PTPRQ: variants seen among roughly 807,000 people sequenced by gnomAD.
The protein encoded by PTPRQ is protein tyrosine phosphatase receptor type Q, also known as phosphatidylinositol phosphatase PTPRQ.
In PTPRQ, 199 loss-of-function variants were observed where a neutral mutation model predicts 246.0. The observed-to-expected ratio is 0.81, with a 90% CI of 0.72 to 0.91. The LOEUF (loss-of-function observed/expected upper bound fraction) is 0.91. Among genes scored for constraint, PTPRQ ranks in the 40% least tolerant of loss-of-function variants. The probability of loss-of-function intolerance (pLI) is 0.00; values close to 1 mark genes in which losing one functional copy is unlikely to be tolerated. For synonymous variants in PTPRQ, 869 were observed against 853.2 expected, an observed-to-expected ratio of 1.02 and a Z score of -0.32; for missense variants, 2,624 against 2,528.4, an observed-to-expected ratio of 1.04 and a Z score of -0.81.
At chr12:80,643,851 A>G (rs939580031) in intron 35 of PTPRQ, among the ~76,000 whole-genome samples, 1 of 152,242 alleles carries the variant, frequency 6.6e-6, no homozygotes, top group Non-Finnish European at 1.5e-5. Flanking sequence ...CCAGAGAAAT[A>G]GATTCTTCAC....
intron 27 of PTPRQ, among the ~76,000 whole-genome samples, chr12:80,609,825 G>A (rs940245767): frequency 2.0e-5 from 3 of 150,508 alleles, no homozygotes; most frequent in Non-Finnish European, 4.5e-5. Context: ...TCTGAAAAAT[G>A]TGTTACAGTC....
Position 80,679,085 on chromosome 12 carries a change from CCT to C in PTPRQ, c.*64_*65del. On this transcript the variant is annotated 3_prime_UTR_variant, in exon 45 of 45. Transcript: ENST00000644991. ...TAAATCCCAGGGGCCAAAGTTACCC[CCT>C]CATTCTTCCGAATTGAAATGTGCAA... 1 of 1,518,810 alleles carries C rather than the reference CCT, an allele frequency of 6.6e-7. No homozygotes were observed. Among genetic ancestry groups the C allele is most frequent in the African/African-American group, 1.4e-5 (1 of 71,734 alleles). 94.1% of individuals were successfully genotyped at this position (1,518,810 alleles called of 1,614,324 possible).
intron 10 of PTPRQ, among the ~76,000 whole-genome samples, chr12:80,494,084 A>G (rs1398308943): frequency 6.6e-6 from 1 of 152,002 alleles, no homozygotes; most frequent in Non-Finnish European, 1.5e-5. Context: ...TACTTGTCCC[A>G]TTCAAAATTA....
intron 26 of PTPRQ, among the ~76,000 whole-genome samples, chr12:80,598,559 C>T (rs1288107229): frequency 4.6e-5 from 7 of 151,878 alleles, no homozygotes; most frequent in Non-Finnish European, 8.8e-5. Flanking sequence ...GCTAATTTGT[C>T]CAGGTGTGCT....
chr12:80,572,823 T>C (rs1204977275), intron 25 of PTPRQ, among the ~76,000 whole-genome samples: 1 of 152,230 alleles, frequency 6.6e-6, no homozygotes, highest in East Asian at 1.9e-4. Context: ...TTTTGAATGT[T>C]AAATTATATT....
chr12:80,619,854 T>C (rs1021136257), intron 31 of PTPRQ, among the ~76,000 whole-genome samples: 2 of 151,622 alleles, frequency 1.3e-5, no homozygotes, highest in African/African-American at 4.8e-5. Flanking sequence ...AAACATGTTT[T>C]GATTTTGGTA....
chr12:80,548,579 A>T (rs1429158270), intron 24 of PTPRQ, among the ~76,000 whole-genome samples: 1 of 152,134 alleles, frequency 6.6e-6, no homozygotes, highest in Non-Finnish European at 1.5e-5. Flanking sequence ...GGATCACCTG[A>T]GTATTCTTTA....
chr12:80,494,819 A>G (rs1592580425), intron 10 of PTPRQ, 114 bp from the exon 11 acceptor site: 2 of 1,065,480 alleles, frequency 1.9e-6, no homozygotes, highest in Non-Finnish European at 2.6e-6. Context: ...GTGCATGGAG[A>G]GATTAATGAA....
chr12:80,520,310 GC>G (rs1438953475), intron 17 of PTPRQ, among the ~76,000 whole-genome samples: 4 of 151,882 alleles, frequency 2.6e-5, no homozygotes, highest in Non-Finnish European at 5.9e-5. Flanking sequence ...AGACCTGATG[GC>G]TTTTTTATTT....
At chr12:80,466,292 C>A (rs1893408851) in intron 6 of PTPRQ, among the ~76,000 whole-genome samples, 1 of 152,152 alleles carries the variant, frequency 6.6e-6, no homozygotes, top group South Asian at 2.1e-4. Flanking sequence ...AGGAATCCAA[C>A]TTACAAGGGA....
chr12:80,538,411 G>A (rs1052989528), intron 19 of PTPRQ, among the ~76,000 whole-genome samples: 16 of 152,216 alleles, frequency 1.1e-4, no homozygotes, highest in African/African-American at 3.6e-4. Context: ...TAGGTAATCA[G>A]AATAAATTCT....
At chr12:80,514,696 A>G (rs58255872) in intron 17 of PTPRQ, among the ~76,000 whole-genome samples, 7,492 of 145,054 alleles carry the variant, frequency 0.052, 483 homozygotes, top group African/African-American at 0.14. Flanking sequence ...TATATGATAT[A>G]TATGCAATAT....
intron 1 of PTPRQ, 118 bp downstream of exon 1, chr12:80,444,517 C>T: frequency 1.4e-6 from 1 of 730,498 alleles, no homozygotes; most frequent in Non-Finnish European, 2.3e-6. Flanking sequence ...CTGACTTAGG[C>T]TGTGATAACG....
intron 17 of PTPRQ, among the ~76,000 whole-genome samples, chr12:80,511,466 A>G (rs1238613788): frequency 6.6e-6 from 1 of 152,164 alleles, no homozygotes; most frequent in Non-Finnish European, 1.5e-5. Flanking sequence ...ATATTGATAG[A>G]ATACCTATAT....
intron 7 of PTPRQ, 120 bp downstream of exon 7, chr12:80,468,958 ACAATAGGAAAGT>A: frequency 5.2e-6 from 7 of 1,354,952 alleles, no homozygotes; most frequent in Non-Finnish European, 6.8e-6. Flanking sequence ...ATTGAAGCAA[ACAATAGGAAAGT>A]CATAAGGAAG....
chr12:80,468,568 CT>C, intron 6 of PTPRQ, 141 bp from the exon 7 acceptor site: 3 of 797,422 alleles, frequency 3.8e-6, no homozygotes, highest in Non-Finnish European at 5.4e-6. Context: ...TCCATTTATT[CT>C]TTTTTAAGAT....
At chr12:80,678,415 A>G (rs1413284895) in intron 43 of PTPRQ, among the ~76,000 whole-genome samples, 187 bp from the exon 44 acceptor site, 1 of 152,158 alleles carries the variant, frequency 6.6e-6, no homozygotes, top group Non-Finnish European at 1.5e-5. Context: ...TCAAGAGACC[A>G]CAGGAATTTA....
At chr12:80,594,047 T>G (rs1469311582) in intron 26 of PTPRQ, among the ~76,000 whole-genome samples, 2 of 152,086 alleles carry the variant, frequency 1.3e-5, no homozygotes. Flanking sequence ...CAACAAAACA[T>G]GCCTCATCAA....
At position 80,546,708 on chromosome 12, in the gene PTPRQ, G is replaced by T. The variant is rs1470192845; in HGVS notation, c.4015+11G>T. ...CAACCCAAGAATCAGGTTAGATACA[G>T]TTTTTGAGCCTAAAATGTTTCTTTT... On this transcript the variant is annotated intron_variant, in intron 24 of 44. Coordinates refer to ENST00000644991, the MANE Select transcript of PTPRQ (RefSeq NM_001145026.2). 6.5e-7 allele frequency: 1 copy of T among 1,542,318 alleles called. No homozygotes were observed. The highest frequency in any genetic ancestry group is 1.2e-5 in the South Asian group (1 of 81,166).
Sources: allele counts gnomAD v4.1 joint callset (sites outside exome capture counted in the v4.1 genomes callset), GRCh38; gene constraint gnomAD v4.1.1; transcripts MANE v1.5; gene names NCBI Gene and HGNC (gene_info 2026-07-23, HGNC 2026-07-21).